Variants in LNX1 observed in about 807,000 individuals in gnomAD.
The protein encoded by LNX1 is ligand of numb-protein X 1, also known as E3 ubiquitin-protein ligase LNX.
Under a neutral mutation model 68.4 loss-of-function variants are expected in LNX1, and 54 were observed. The ratio of observed to expected loss-of-function variants is 0.79; its 90% CI spans 0.63 to 0.99. The LOEUF (loss-of-function observed/expected upper bound fraction) is 0.99, where lower values mean the gene tolerates loss of function less well. LNX1 is among the 50% of genes least tolerant of loss of function. LNX1 has a pLI of 0.00. For missense variants in LNX1, 906 were observed against 926.4 expected, an observed-to-expected ratio of 0.98 and a Z score of 0.29; for synonymous variants, 336 against 350.0, an observed-to-expected ratio of 0.96 and a Z score of 0.45.
intron 6 of LNX1, among the ~76,000 whole-genome samples, chr4:53,491,402 T>C (rs528651734): frequency 2.6e-5 from 4 of 152,342 alleles, no homozygotes; most frequent in South Asian, 2.1e-4. Context: ...GGCCGGCTAA[T>C]GCCACCTGCC....
At chr4:53,595,209 C>G (rs538888910), upstream of LNX1, among the ~76,000 whole-genome samples, 4 of 152,168 alleles carry the variant, frequency 2.6e-5, no homozygotes, top group Admixed American at 2.6e-4. Context: ...CAGGAATGAT[C>G]ATAGCAGATA....
Position 53,459,573 on chromosome 4 carries a change from A to G in LNX1, c.*1334T>C. The G allele has an allele frequency of 7.1e-7, 1 of 1,399,114 alleles. No homozygotes were observed. Among genetic ancestry groups the G allele is most frequent in the East Asian group, 2.3e-5 (1 of 43,232 alleles). The allele number at this position is 1,399,114 out of a possible 1,614,324, so 86.7% of individuals were successfully genotyped here. A position where few individuals can be genotyped will look rare whatever the true frequency, so the allele number is the denominator to read the frequency against. The stretch of plus-strand genomic sequence containing the variant: ...GTTCTGTTTGTTAGTATGAAAAGTT[A>G]ACTTTTTTTCCAAAATAAAAGAGTG... On this transcript the variant is annotated 3_prime_UTR_variant, in exon 11 of 11. Coordinates refer to ENST00000263925, the MANE Select transcript of LNX1 (RefSeq NM_001126328.3).
chr4:53,501,318 T>C (rs1725489963), intron 4 of LNX1, among the ~76,000 whole-genome samples: 1 of 120,916 alleles, frequency 8.3e-6, no homozygotes, highest in African/African-American at 3.1e-5. Flanking sequence ...GGGGACAGGA[T>C]CTCACTCTGT....
intron 2 of LNX1, among the ~76,000 whole-genome samples, chr4:53,537,809 G>A (rs4864466): frequency 0.82 from 124,276 of 152,226 alleles, 51,035 homozygotes; most frequent in Admixed American, 0.86. Context: ...TGACAACAAA[G>A]GAACAGCTTT....
chr4:53,537,110 C>T (rs1055715763), intron 2 of LNX1, among the ~76,000 whole-genome samples: 5 of 152,172 alleles, frequency 3.3e-5, no homozygotes, highest in Admixed American at 6.5e-5. Context: ...GTAGTGGGGA[C>T]GGTATGAGTA....
intron 1 of LNX1, among the ~76,000 whole-genome samples, chr4:53,639,076 C>T (rs1280993247): frequency 2.6e-5 from 4 of 152,142 alleles, no homozygotes. Context: ...AGACATGGAA[C>T]CAACCTAGGT....
chr4:53,465,834 C>T (rs1029044654), intron 9 of LNX1, among the ~76,000 whole-genome samples: 2 of 152,118 alleles, frequency 1.3e-5, no homozygotes, highest in Non-Finnish European at 2.9e-5. Context: ...CCCAATGTTT[C>T]TAAGCAAATT....
chr4:53,650,856 A>G (rs527978268), intron 1 of LNX1, among the ~76,000 whole-genome samples: 56 of 152,160 alleles, frequency 3.7e-4, no homozygotes, highest in Non-Finnish European at 6.6e-4. Context: ...GCCTCCTCTT[A>G]TCTGTATTCC....
Position 53,574,012 on chromosome 4 carries a change from G to T in LNX1, c.-10C>A. 1 of 1,603,966 alleles carries T rather than the reference G, an allele frequency of 6.2e-7. No individual in the cohort carries two copies. The highest frequency in any genetic ancestry group is 8.5e-7 in the Non-Finnish European group (1 of 1,174,490). On this transcript the variant is annotated 5_prime_UTR_variant, in exon 2 of 11. Coordinates refer to ENST00000263925, the MANE Select transcript of LNX1 (RefSeq NM_001126328.3). ...ACTCTGGCTGGTTCATGATGGATTG[G>T]AGAGCAGTATAACAGGAAACTCAGT...
At chr4:53,601,415 C>G (rs760384306) in intron 2 of LNX1, among the ~76,000 whole-genome samples, 1 of 152,168 alleles carries the variant, frequency 6.6e-6, no homozygotes, top group Non-Finnish European at 1.5e-5. Flanking sequence ...TTGACAAGTT[C>G]TGCCATGGGT....
intron 2 of LNX1, among the ~76,000 whole-genome samples, chr4:53,510,531 C>T (rs1387179297): frequency 1.3e-5 from 2 of 152,140 alleles, no homozygotes; most frequent in African/African-American, 4.8e-5. Flanking sequence ...TTTACTGTAC[C>T]GATTAGCTGC....
chr4:53,637,448 T>A (rs925559323), intron 1 of LNX1, among the ~76,000 whole-genome samples: 7 of 152,072 alleles, frequency 4.6e-5, no homozygotes, highest in Admixed American at 3.9e-4. Context: ...ATTCTAGGAG[T>A]AAGAAAATAC....
At position 53,585,514 on chromosome 4, in the gene LNX1, G is replaced by A. The variant is rs543560671; in HGVS notation, c.-87+5874C>T. 1.0e-3 allele frequency among the ~76,000 whole-genome samples: 152 copies of A among 152,240 alleles called. 1 individual carries two copies. Among genetic ancestry groups the A allele is most frequent in the Non-Finnish European group, 1.4e-3 (93 of 68,022 alleles). On this transcript the variant is annotated intron_variant, in intron 1 of 10. Transcript: ENST00000263925. Reference sequence around the variant, plus strand: ...TGTGACTATGACCTTACAGGAAAACGATCTAAGAAGGTGTCATGAGGTTTA... The same window carrying A: ...TGTGACTATGACCTTACAGGAAAACAATCTAAGAAGGTGTCATGAGGTTTA...
chr4:53,460,475 ATTC>A lies in LNX1; in HGVS notation c.*429_*431del, dbSNP rs1198688852. 2.1e-5 allele frequency: 4 copies of A among 194,804 alleles called. No homozygotes were observed. Among genetic ancestry groups the A allele is most frequent in the East Asian group, 8.3e-5 (1 of 12,080 alleles). 12.1% of individuals were successfully genotyped at this position (194,804 alleles called of 1,614,324 possible). A position where few individuals can be genotyped will look rare whatever the true frequency, so the allele number is the denominator to read the frequency against. On this transcript the variant is annotated 3_prime_UTR_variant, in exon 11 of 11. Transcript: ENST00000263925. The stretch of plus-strand genomic sequence containing the variant: ...CAACTATAACTTCTGAAAAATATTT[ATTC>A]TTGTTTGATGAAAGCAACGTTTCTC...
At chr4:53,639,443 A>G (rs912328939) in intron 1 of LNX1, among the ~76,000 whole-genome samples, 4 of 152,178 alleles carry the variant, frequency 2.6e-5, no homozygotes, top group African/African-American at 9.6e-5. Flanking sequence ...TCTTCCTTAT[A>G]TTTATTTAAA....
intron 2 of LNX1, among the ~76,000 whole-genome samples, chr4:53,612,064 T>C (rs1733518527): frequency 6.6e-6 from 1 of 151,932 alleles, no homozygotes; most frequent in Non-Finnish European, 1.5e-5. Flanking sequence ...AATAGGAAAA[T>C]GGACAAAAGA....
rs80287776 is a variant in LNX1, at chr4:53,511,630, A to T, written c.381-3403T>A. On this transcript the variant is annotated intron_variant, in intron 2 of 10. Coordinates refer to ENST00000263925, the MANE Select transcript of LNX1 (RefSeq NM_001126328.3). Reference sequence around the variant, plus strand: ...AGTGAGTAGAGGTAAATCTGTCTTAATATAAGAATGTTAATACTCAATGCC... The same window carrying T: ...AGTGAGTAGAGGTAAATCTGTCTTATTATAAGAATGTTAATACTCAATGCC... Among the ~76,000 whole-genome samples the T allele has an allele frequency of 1.7e-3, 264 of 152,278 alleles. 9 individuals are homozygous for T. The East Asian group carries it at 0.049, about 28-fold the overall frequency.
chr4:53,583,396 G>A (rs1731953903), intron 1 of LNX1, among the ~76,000 whole-genome samples: 1 of 152,178 alleles, frequency 6.6e-6, no homozygotes, highest in African/African-American at 2.4e-5. Flanking sequence ...AGGAAAGAGT[G>A]GGGAGGCAGG....
At chr4:53,616,661 A>G (rs1409732410) in intron 1 of LNX1, 1 of 152,168 alleles carries the variant, frequency 6.6e-6, no homozygotes, top group Admixed American at 6.6e-5. Context: ...TGTAGTAATA[A>G]TAGTAGTAAC....
Sources: gnomAD v4.1 joint callset for allele counts (sites outside exome capture counted in the v4.1 genomes callset) on GRCh38, gnomAD v4.1.1 for gene constraint, MANE v1.5 for transcripts, NCBI Gene and HGNC (gene_info 2026-07-23, HGNC 2026-07-21) for gene names.